The following SLC14A2 variants were observed in gnomAD, a reference collection of about 807,000 sequenced individuals.
SLC14A2 encodes the protein solute carrier family 14 member 2.
Under a neutral mutation model 104.6 loss-of-function variants are expected in SLC14A2, and 91 were observed. The ratio of observed to expected loss-of-function variants is 0.87; its 90% CI spans 0.73 to 1.04. The LOEUF (loss-of-function observed/expected upper bound fraction) is 1.04. Ranked by LOEUF, SLC14A2 falls within the 50% of genes least tolerant of loss-of-function variation. The pLI is 0.00. For synonymous variants in SLC14A2, 476 were observed against 466.4 expected, an observed-to-expected ratio of 1.02 and a Z score of -0.27; for missense variants, 1,189 against 1,156.0, an observed-to-expected ratio of 1.03 and a Z score of -0.41.
At chr18:45,438,022 C>T (rs999681320) in intron 1 of SLC14A2, among the ~76,000 whole-genome samples, 3 of 152,076 alleles carry the variant, frequency 2.0e-5, no homozygotes, top group Non-Finnish European at 4.4e-5. Context: ...ATTTATTAAG[C>T]CCTTACTATA....
intron 1 of SLC14A2, among the ~76,000 whole-genome samples, chr18:45,293,484 C>T (rs1489833395): frequency 1.3e-5 from 2 of 151,442 alleles, no homozygotes; most frequent in East Asian, 1.9e-4. Flanking sequence ...AAGGCAAATG[C>T]CTATTTTTAT....
chr18:45,233,230 G>T (rs1389015409), intron 1 of SLC14A2, among the ~76,000 whole-genome samples: 3 of 152,108 alleles, frequency 2.0e-5, no homozygotes, highest in Non-Finnish European at 4.4e-5. Context: ...ACTGAAGAAG[G>T]GATTCCTGTG....
intron 1 of SLC14A2, among the ~76,000 whole-genome samples, chr18:45,356,334 A>G (rs1045296123): frequency 1.3e-5 from 2 of 152,242 alleles, no homozygotes; most frequent in Admixed American, 6.5e-5. Flanking sequence ...ACAGGCTACT[A>G]TTATGACTAT....
chr18:45,229,678 A>G (rs1393184352), intron 1 of SLC14A2, among the ~76,000 whole-genome samples: 1 of 152,094 alleles, frequency 6.6e-6, no homozygotes, highest in Non-Finnish European at 1.5e-5. Context: ...CAAACTCTTC[A>G]TCTTTCCCCA....
intron 1 of SLC14A2, among the ~76,000 whole-genome samples, chr18:45,383,098 C>T (rs1388339737): frequency 6.6e-6 from 1 of 152,208 alleles, no homozygotes; most frequent in Non-Finnish European, 1.5e-5. Flanking sequence ...GGTATTTCAA[C>T]TGTTATATTT....
At chr18:45,655,755 T>C (rs2045825684) in intron 10 of SLC14A2, among the ~76,000 whole-genome samples, 1 of 152,232 alleles carries the variant, frequency 6.6e-6, no homozygotes, top group African/African-American at 2.4e-5. Context: ...GTATTGCGAT[T>C]GGGATGACAC....
At chr18:45,614,528 G>A (rs748093920), upstream of SLC14A2, among the ~76,000 whole-genome samples, 4 of 152,216 alleles carry the variant, frequency 2.6e-5, no homozygotes, top group Non-Finnish European at 5.9e-5. Flanking sequence ...GAAAGCAGCA[G>A]GAGGAGAGCT....
At chr18:45,409,040 C>G (rs1319328905) in intron 1 of SLC14A2, among the ~76,000 whole-genome samples, 3 of 152,158 alleles carry the variant, frequency 2.0e-5, no homozygotes, top group African/African-American at 7.2e-5. Flanking sequence ...CTTTTAACTT[C>G]TGTGTGTCAA....
At chr18:45,229,395 G>A (rs563829297) in intron 1 of SLC14A2, among the ~76,000 whole-genome samples, 2 of 150,064 alleles carry the variant, frequency 1.3e-5, no homozygotes, top group South Asian at 2.1e-4. Context: ...AATGATCCCC[G>A]TAGGTTTTTT....
At chr18:45,223,428 G>GA (rs1014767760) in intron 1 of SLC14A2, among the ~76,000 whole-genome samples, 4 of 152,030 alleles carry the variant, frequency 2.6e-5, no homozygotes, top group Non-Finnish European at 4.4e-5. Context: ...GAACACAAGG[G>GA]AAAAAAATTT....
chr18:45,219,680 G>A (rs1200274508), intron 1 of SLC14A2, among the ~76,000 whole-genome samples: 1 of 152,170 alleles, frequency 6.6e-6, no homozygotes, highest in Admixed American at 6.5e-5. Context: ...TCATAACTTA[G>A]TAAATTTCTT....
At chr18:45,430,260 A>G (rs1247683524) in intron 1 of SLC14A2, among the ~76,000 whole-genome samples, 1 of 152,246 alleles carries the variant, frequency 6.6e-6, no homozygotes, top group African/African-American at 2.4e-5. Context: ...GCAATGCTGG[A>G]ACAAAAAACA....
chr18:45,531,480 T>C (rs2043686344), intron 2 of SLC14A2, among the ~76,000 whole-genome samples: 1 of 152,274 alleles, frequency 6.6e-6, no homozygotes, highest in South Asian at 2.1e-4. Flanking sequence ...ATGTGTTTTT[T>C]GGCTGCATAA....
At chr18:45,193,578 A>G in the SLC14A2 span, among the ~76,000 whole-genome samples, 2 of 152,178 alleles carry the variant, frequency 1.3e-5, no homozygotes, top group South Asian at 2.1e-4. Flanking sequence ...ATATTTGTCT[A>G]TCTTTCTGTG....
At chr18:45,530,536 G>A (rs891724873) in intron 2 of SLC14A2, among the ~76,000 whole-genome samples, 47 of 151,974 alleles carry the variant, frequency 3.1e-4, no homozygotes, top group Non-Finnish European at 2.9e-5. Flanking sequence ...TTGCTATTCA[G>A]GTTCTCCATA....
chr18:45,481,900 T>C (rs1449975907), intron 1 of SLC14A2, among the ~76,000 whole-genome samples: 1 of 152,210 alleles, frequency 6.6e-6, no homozygotes, highest in Non-Finnish European at 1.5e-5. Context: ...CAAATTTATC[T>C]CATAGTTTTC....
chr18:45,369,402 C>T (rs2085699171), intron 1 of SLC14A2, among the ~76,000 whole-genome samples: 1 of 152,124 alleles, frequency 6.6e-6, no homozygotes, highest in Non-Finnish European at 1.5e-5. Context: ...ACCCCAGGTA[C>T]ATCTGCATTT....
intron 1 of SLC14A2, among the ~76,000 whole-genome samples, chr18:45,291,134 GA>G (rs1279561858): frequency 4.0e-4 from 61 of 152,256 alleles, no homozygotes; most frequent in African/African-American, 1.4e-3. Context: ...TGCTAGGGGT[GA>G]AAATATAGAC....
chr18:45,461,015 T>C (rs2087035835), intron 1 of SLC14A2, among the ~76,000 whole-genome samples: 1 of 152,170 alleles, frequency 6.6e-6, no homozygotes, highest in African/African-American at 2.4e-5. Context: ...CTATGAGATC[T>C]CAGCTCCCAC....
Sources: allele counts gnomAD v4.1 joint callset (sites outside exome capture counted in the v4.1 genomes callset), GRCh38; gene constraint gnomAD v4.1.1; transcripts MANE v1.5; gene names NCBI Gene and HGNC (gene_info 2026-07-23, HGNC 2026-07-21).